RIMS2: variants seen among roughly 807,000 people sequenced by gnomAD.
RIMS2 encodes regulating synaptic membrane exocytosis 2, also known as regulating synaptic membrane exocytosis protein 2.
A neutral mutation model predicts 174.4 loss-of-function variants in RIMS2; 59 were observed. The ratio of observed to expected loss-of-function variants is 0.34; its 90% CI spans 0.27 to 0.42. The LOEUF (loss-of-function observed/expected upper bound fraction) is 0.42. Among genes scored for constraint, RIMS2 ranks in the 10% least tolerant of loss-of-function variants. The pLI, the probability that RIMS2 is intolerant of heterozygous loss-of-function variation, is 1.00. For synonymous variants in RIMS2, 606 were observed against 572.5 expected (o/e 1.06, Z -0.84); for missense variants, 1,620 against 1,666.3 (o/e 0.97, Z 0.48).
At chr8:103,838,639 A>G (rs1157743405) in intron 3 of RIMS2, among the ~76,000 whole-genome samples, 1 of 152,324 alleles carries the variant, frequency 6.6e-6, no homozygotes, top group Non-Finnish European at 1.5e-5. Context: ...TTACTTCTCA[A>G]AAGTTACGAA....
At chr8:104,078,068 C>T (rs139621075) in intron 19 of RIMS2, among the ~76,000 whole-genome samples, 7,733 of 150,978 alleles carry the variant, frequency 0.051, 279 homozygotes, top group Non-Finnish European at 0.072. Context: ...CTCTTGAACC[C>T]GGGAGGCAGA....
chr8:103,627,202 C>T (rs1267228629), intron 1 of RIMS2, among the ~76,000 whole-genome samples: 3 of 152,172 alleles, frequency 2.0e-5, no homozygotes, highest in Non-Finnish European at 4.4e-5. Flanking sequence ...AAGAATTCAG[C>T]AATATGTCTC....
intron 3 of RIMS2, among the ~76,000 whole-genome samples, chr8:103,807,621 A>G (rs2098658727): frequency 6.6e-6 from 1 of 152,182 alleles, no homozygotes; most frequent in Admixed American, 6.6e-5. Flanking sequence ...CACATATACA[A>G]TTAATATTAT....
At chr8:103,625,005 G>A (rs2095745335) in intron 1 of RIMS2, among the ~76,000 whole-genome samples, 1 of 152,048 alleles carries the variant, frequency 6.6e-6, no homozygotes, top group South Asian at 2.1e-4. Flanking sequence ...TTTTTAAATA[G>A]AATCAGTTTA....
intron 19 of RIMS2, among the ~76,000 whole-genome samples, chr8:104,234,418 T>A (rs2099248146): frequency 6.6e-6 from 1 of 151,202 alleles, no homozygotes. Flanking sequence ...ATCTGAAAGT[T>A]TAAAAAAAAA....
At chr8:104,073,485 G>A (rs921714556) in intron 19 of RIMS2, among the ~76,000 whole-genome samples, 5 of 152,084 alleles carry the variant, frequency 3.3e-5, no homozygotes, top group African/African-American at 1.2e-4. Flanking sequence ...GGAGTATGTT[G>A]TGGCAATACT....
In RIMS2 at chr8:103,938,589, G is replaced by A. The variant is rs188509689; in HGVS notation, c.2547+1867G>A. 5.9e-3 allele frequency among the ~76,000 whole-genome samples: 879 copies of A among 148,974 alleles called. 9 individuals are homozygous for A. The highest frequency in any genetic ancestry group is 0.024 in the South Asian group (117 of 4,818). ...TCTGTCCCCTCCCAAATCTCATGTC[G>A]TCACATTTCAAAACCAATCATGCCT... On this transcript the variant is annotated intron_variant, in intron 13 of 23. Transcript: ENST00000504942.
chr8:103,578,365 G>T (rs1588142385), intron 1 of RIMS2, among the ~76,000 whole-genome samples: 1 of 151,704 alleles, frequency 6.6e-6, no homozygotes, highest in Non-Finnish European at 1.5e-5. Context: ...CCCCATCTCT[G>T]CTAAAAATAC....
intron 19 of RIMS2, among the ~76,000 whole-genome samples, chr8:104,192,376 A>T (rs992974334): frequency 1.3e-5 from 2 of 151,968 alleles, no homozygotes; most frequent in Non-Finnish European, 2.9e-5. Flanking sequence ...AAATTCCATT[A>T]AAAAAAAGCA....
intron 19 of RIMS2, among the ~76,000 whole-genome samples, chr8:104,191,668 T>C (rs982540691): frequency 6.6e-6 from 1 of 152,314 alleles, no homozygotes; most frequent in Non-Finnish European, 1.5e-5. Flanking sequence ...GATATTTGGC[T>C]CTTTCTAATT....
chr8:103,978,889 T>C (rs2093668879), intron 16 of RIMS2, among the ~76,000 whole-genome samples: 1 of 152,222 alleles, frequency 6.6e-6, no homozygotes, highest in South Asian at 2.1e-4. Context: ...TTTTTGTGTA[T>C]CTCAGTATAA....
chr8:103,689,803 G>T (rs1337429260), intron 1 of RIMS2, among the ~76,000 whole-genome samples: 1 of 152,068 alleles, frequency 6.6e-6, no homozygotes, highest in Non-Finnish European at 1.5e-5. Flanking sequence ...ATAAACTACT[G>T]ATATCTTGAA....
chr8:103,803,813 A>G (rs572047096), intron 3 of RIMS2, among the ~76,000 whole-genome samples: 1 of 152,334 alleles, frequency 6.6e-6, no homozygotes, highest in Non-Finnish European at 1.5e-5. Flanking sequence ...GAAGCTGAGT[A>G]GTACATCTCT....
chr8:104,204,199 T>G (rs1202206279), intron 19 of RIMS2, among the ~76,000 whole-genome samples: 1 of 152,246 alleles, frequency 6.6e-6, no homozygotes, highest in Non-Finnish European at 1.5e-5. Context: ...ATATATATGG[T>G]GTACAGTATT....
intron 3 of RIMS2, among the ~76,000 whole-genome samples, chr8:103,848,106 G>C (rs1593708160): frequency 6.6e-6 from 1 of 151,946 alleles, no homozygotes; most frequent in Non-Finnish European, 1.5e-5. Flanking sequence ...AATCAGCTAA[G>C]CTATTCACCA....
At chr8:103,829,708 G>A (rs1366600641) in intron 3 of RIMS2, among the ~76,000 whole-genome samples, 1 of 152,176 alleles carries the variant, frequency 6.6e-6, no homozygotes, top group Non-Finnish European at 1.5e-5. Flanking sequence ...CCTACTTGAG[G>A]ATGGAGGGTA....
chr8:104,197,306 T>A (rs1367560385), intron 19 of RIMS2, among the ~76,000 whole-genome samples: 3 of 151,740 alleles, frequency 2.0e-5, no homozygotes, highest in African/African-American at 7.3e-5. Context: ...CTCCCAAGTA[T>A]CTGGGATTAC....
chr8:104,131,062 TTC>T (rs2098470037), intron 19 of RIMS2, among the ~76,000 whole-genome samples: 1 of 152,186 alleles, frequency 6.6e-6, no homozygotes. Context: ...ATTAAAGAAA[TTC>T]TCTCAATAAT....
At position 103,614,158 on chromosome 8, in the gene RIMS2, G is replaced by A. The variant is rs2095451179; in HGVS notation, c.177-82928G>A. 2.0e-5 allele frequency among the ~76,000 whole-genome samples: 3 copies of A among 152,326 alleles called. No homozygotes were observed. The South Asian group carries it at 6.2e-4, about 32-fold the overall frequency. On this transcript the variant is annotated intron_variant, in intron 1 of 23. Transcript: ENST00000504942. ...TAGACTGTCTTTTCAGCTTATTTAG[G>A]ATCCTAGAGTACTTCTGCCTGTGGT...
Sources: gnomAD v4.1 joint callset for allele counts (sites outside exome capture counted in the v4.1 genomes callset) on GRCh38, gnomAD v4.1.1 for gene constraint, MANE v1.5 for transcripts, NCBI Gene and HGNC (gene_info 2026-07-23, HGNC 2026-07-21) for gene names.